The following ARHGAP28 variants were observed in gnomAD, a reference collection of about 807,000 sequenced individuals.
ARHGAP28 encodes Rho GTPase activating protein 28, also known as rho GTPase-activating protein 28.
ARHGAP28 carries 56 observed loss-of-function variants against 90.7 expected under a neutral mutation model. That is an observed-to-expected ratio of 0.62 (90% CI 0.50 to 0.77). The LOEUF is 0.77. ARHGAP28 is among the 30% of genes least tolerant of loss of function. The probability of loss-of-function intolerance (pLI) is 0.00; values close to 1 mark genes in which losing one functional copy is unlikely to be tolerated. For missense variants in ARHGAP28, 869 were observed against 900.9 expected (o/e 0.96, Z 0.45); for synonymous variants, 308 against 323.3 (o/e 0.95, Z 0.51).
chr18:6,881,537 A>G (rs1169022245), intron 10 of ARHGAP28, among the ~76,000 whole-genome samples: 4 of 152,214 alleles, frequency 2.6e-5, no homozygotes, highest in African/African-American at 9.6e-5. Flanking sequence ...GTATTTGCAC[A>G]GTGTTCCAAA....
intron 1 of ARHGAP28, among the ~76,000 whole-genome samples, chr18:6,753,037 AG>A (rs2056082677): frequency 6.6e-6 from 1 of 151,844 alleles, no homozygotes; most frequent in East Asian, 1.9e-4. Flanking sequence ...AATAAATCAG[AG>A]GGTTTTGTAT....
chr18:6,760,295 G>A (rs993531493), intron 1 of ARHGAP28, among the ~76,000 whole-genome samples: 2 of 152,112 alleles, frequency 1.3e-5, no homozygotes, highest in Non-Finnish European at 2.9e-5. Flanking sequence ...AGCAAAAGAA[G>A]TATAATTTGT....
intron 1 of ARHGAP28, among the ~76,000 whole-genome samples, chr18:6,771,634 A>G (rs969686181): frequency 1.3e-5 from 2 of 152,236 alleles, no homozygotes; most frequent in Admixed American, 6.5e-5. Flanking sequence ...ACATTCATCA[A>G]GGAATTGATC....
chr18:6,839,753 G>C (rs1391085621), intron 3 of ARHGAP28, among the ~76,000 whole-genome samples: 2 of 152,146 alleles, frequency 1.3e-5, no homozygotes, highest in African/African-American at 4.8e-5. Context: ...TTTGTTTCAG[G>C]GTGGTATATT....
chr18:6,912,838 T>C lies in ARHGAP28; in HGVS notation c.*684T>C, dbSNP rs1318151940. On this transcript the variant is annotated 3_prime_UTR_variant, in exon 18 of 18. Transcript: ENST00000383472. ...AATTGATACTTTTAAAGCATATTCTTCTATGAGCACAGGTCCTCCTAGTGA... is the reference window on the plus strand; with the variant it reads ...AATTGATACTTTTAAAGCATATTCTCCTATGAGCACAGGTCCTCCTAGTGA... 6.6e-6 allele frequency: 1 copy of C among 152,252 alleles called. No homozygotes were observed. Among genetic ancestry groups the C allele is most frequent in the Non-Finnish European group, 1.5e-5 (1 of 68,050 alleles). 9.4% of individuals were successfully genotyped at this position (152,252 alleles called of 1,614,324 possible).
In ARHGAP28 at chr18:6,908,964, G is replaced by A. The variant is rs752555298; in HGVS notation, c.2035G>A (p.Gly679Ser). ...TTATTTTCTCATTTTTTTCAGTCAT[G>A]GTTCATCAGAATGTATTAAGATTCA... ...LAKFQYENSH[G>S]SSECIKIQNQ... The change falls in exon 17 of 18, where the codon GGT becomes AGT. Residue 679 changes from glycine to serine, a missense_variant. Gly to Ser is a moderately conservative substitution (Grantham distance 56, BLOSUM62 0). Coordinates refer to ENST00000383472, the MANE Select transcript of ARHGAP28 (RefSeq NM_001366230.1). 4 of 1,531,590 alleles carry A rather than the reference G, an allele frequency of 2.6e-6. No homozygotes were observed. In the Admixed American group the frequency reaches 5.2e-5, roughly 20 times the overall value. The allele number at this position is 1,531,590 out of a possible 1,614,324, so 94.9% of individuals were successfully genotyped here. A position where few individuals can be genotyped will look rare whatever the true frequency, so the allele number is the denominator to read the frequency against.
intron 3 of ARHGAP28, among the ~76,000 whole-genome samples, chr18:6,849,398 GGCA>G (rs2056892227): frequency 6.6e-6 from 1 of 152,138 alleles, no homozygotes; most frequent in South Asian, 2.1e-4. Context: ...TGAGGTGGCA[GGCA>G]CTGTCCTGTC....
At chr18:6,742,514 A>T (rs1264040254) in intron 1 of ARHGAP28, among the ~76,000 whole-genome samples, 1 of 151,882 alleles carries the variant, frequency 6.6e-6, no homozygotes, top group Non-Finnish European at 1.5e-5. Context: ...TGAATTTGGG[A>T]ATTGTGGTGG....
chr18:6,797,725 G>C (rs376643093), intron 1 of ARHGAP28, among the ~76,000 whole-genome samples: 1 of 151,152 alleles, frequency 6.6e-6, no homozygotes, highest in East Asian at 2.0e-4. Flanking sequence ...GCAACAACGC[G>C]ATCTCGCCTC....
At chr18:6,849,651 A>T (rs1489509969) in intron 3 of ARHGAP28, among the ~76,000 whole-genome samples, 1 of 152,200 alleles carries the variant, frequency 6.6e-6, no homozygotes, top group African/African-American at 2.4e-5. Context: ...TCCTACAGTA[A>T]TGTATAGCTA....
chr18:6,910,962 A>G (rs993834051), intron 17 of ARHGAP28, among the ~76,000 whole-genome samples: 15 of 151,718 alleles, frequency 9.9e-5, no homozygotes, highest in Non-Finnish European at 2.1e-4. Flanking sequence ...CTCCTGCCTC[A>G]GCCTCCGGAG....
chr18:6,879,964 T>C lies in ARHGAP28; in HGVS notation c.1291-2173T>C, dbSNP rs921767120. Reference sequence around the variant, plus strand: ...GGTGCCCTGTTGCCCCTTAGGTGACTGGGAACTACTCACAGGTTAGGACGG... The same window carrying C: ...GGTGCCCTGTTGCCCCTTAGGTGACCGGGAACTACTCACAGGTTAGGACGG... On this transcript the variant is annotated intron_variant, in intron 10 of 17. Coordinates refer to ENST00000383472, the MANE Select transcript of ARHGAP28 (RefSeq NM_001366230.1). Among the ~76,000 whole-genome samples the C allele has an allele frequency of 7.2e-5, 11 of 152,340 alleles. 1 individual carries two copies. Among genetic ancestry groups the C allele is most frequent in the Admixed American group, 2.0e-4 (3 of 15,314 alleles).
chr18:6,746,391 C>A (rs1282050882), intron 1 of ARHGAP28, among the ~76,000 whole-genome samples: 2 of 152,090 alleles, frequency 1.3e-5, no homozygotes, highest in Non-Finnish European at 2.9e-5. Flanking sequence ...ATTACATGAA[C>A]CAATAGGGTT....
intron 1 of ARHGAP28, among the ~76,000 whole-genome samples, chr18:6,764,850 G>A (rs992658518): frequency 6.6e-6 from 1 of 151,996 alleles, no homozygotes; most frequent in East Asian, 1.9e-4. Context: ...GGCAGTTGCT[G>A]TCTGGCCATT....
At chr18:6,764,665 A>G (rs1350001325) in intron 1 of ARHGAP28, among the ~76,000 whole-genome samples, 1 of 152,210 alleles carries the variant, frequency 6.6e-6, no homozygotes, top group Non-Finnish European at 1.5e-5. Flanking sequence ...TGAACGAGCC[A>G]AGAGAGATTC....
intron 1 of ARHGAP28, among the ~76,000 whole-genome samples, chr18:6,783,943 C>A (rs2056346775): frequency 6.6e-6 from 1 of 152,160 alleles, no homozygotes; most frequent in Non-Finnish European, 1.5e-5. Context: ...TTTGGGCTTC[C>A]CGTCTAGGGC....
intron 4 of ARHGAP28, among the ~76,000 whole-genome samples, chr18:6,857,009 G>A (rs1046734119): frequency 5.3e-5 from 8 of 152,070 alleles, no homozygotes; most frequent in African/African-American, 1.9e-4. Context: ...ATGGACATTT[G>A]GATTGTTTAC....
chr18:6,908,641 G>A (rs541696367), intron 16 of ARHGAP28, among the ~76,000 whole-genome samples: 4 of 152,334 alleles, frequency 2.6e-5, no homozygotes, highest in South Asian at 2.1e-4. Flanking sequence ...CAGCTGCTCC[G>A]TGTCCAGCCT....
At chr18:6,805,479 C>CTTTTTTTT (rs756550297) in intron 1 of ARHGAP28, among the ~76,000 whole-genome samples, 20 of 97,576 alleles carry the variant, frequency 2.0e-4, no homozygotes, top group South Asian at 3.4e-4. Context: ...TAACCTTTGC[C>CTTTTTTTT]TTTTTTTTTT....
Sources: gnomAD v4.1 joint callset for allele counts (sites outside exome capture counted in the v4.1 genomes callset) on GRCh38, gnomAD v4.1.1 for gene constraint, MANE v1.5 for transcripts, NCBI Gene and HGNC (gene_info 2026-07-23, HGNC 2026-07-21) for gene names.